Variants in MCTP1 observed in about 807,000 individuals in gnomAD.
The protein encoded by MCTP1 is multiple C2 and transmembrane domain containing 1, also known as multiple C2 and transmembrane domain-containing protein 1.
A neutral mutation model predicts 120.6 loss-of-function variants in MCTP1; 69 were observed. The observed-to-expected ratio is 0.57, with a 90% CI of 0.47 to 0.70. The LOEUF (loss-of-function observed/expected upper bound fraction) is 0.70. MCTP1 is among the 30% of genes least tolerant of loss of function. The probability of loss-of-function intolerance (pLI) is 0.00; values close to 1 mark genes in which losing one functional copy is unlikely to be tolerated. For missense variants in MCTP1, 1,203 were observed against 1,248.8 expected (o/e 0.96, Z 0.55); for synonymous variants, 529 against 493.1 (o/e 1.07, Z -0.96).
At chr5:95,121,109 T>A (rs1758195901) in intron 1 of MCTP1, among the ~76,000 whole-genome samples, 1 of 151,730 alleles carries the variant, frequency 6.6e-6, no homozygotes, top group Admixed American at 6.6e-5. Context: ...AAACCCCGTC[T>A]CTACTAAAAA....
intron 2 of MCTP1, among the ~76,000 whole-genome samples, chr5:94,980,121 C>A (rs559530524): frequency 6.6e-6 from 1 of 152,146 alleles, no homozygotes; most frequent in African/African-American, 2.4e-5. Context: ...ATTACCCTTA[C>A]CATTTTGTTG....
intron 1 of MCTP1, among the ~76,000 whole-genome samples, chr5:95,229,259 AT>A (rs563787028): frequency 7.9e-5 from 12 of 152,196 alleles, no homozygotes; most frequent in Admixed American, 6.5e-4. Flanking sequence ...GCCACTGAAA[AT>A]TTTTCAGCAA....
chr5:94,980,022 T>C (rs1176651887), intron 2 of MCTP1, among the ~76,000 whole-genome samples: 4 of 152,086 alleles, frequency 2.6e-5, no homozygotes, highest in Non-Finnish European at 5.9e-5. Flanking sequence ...ATTCAACTTG[T>C]GAAATATCAA....
At chr5:94,794,241 G>T (rs1779547090) in intron 18 of MCTP1, among the ~76,000 whole-genome samples, 1 of 152,162 alleles carries the variant, frequency 6.6e-6, no homozygotes, top group African/African-American at 2.4e-5. Context: ...AAACATTGAA[G>T]AATTTTTTTG....
intron 19 of MCTP1, among the ~76,000 whole-genome samples, chr5:94,718,398 C>A (rs566817846): frequency 5.1e-4 from 78 of 152,216 alleles, no homozygotes; most frequent in African/African-American, 1.8e-3. Context: ...ACTATAAAAA[C>A]CCTAGAAGAA....
chr5:94,794,319 G>T (rs78527303), intron 18 of MCTP1, among the ~76,000 whole-genome samples: 1,658 of 152,344 alleles, frequency 0.011, 10 homozygotes, highest in Middle Eastern at 0.037. Flanking sequence ...CAGCTTTGAT[G>T]GACTCTTCCC....
intron 1 of MCTP1, among the ~76,000 whole-genome samples, chr5:95,260,283 C>T (rs1758353224): frequency 6.6e-6 from 1 of 152,128 alleles, no homozygotes; most frequent in Admixed American, 6.5e-5. Flanking sequence ...GGCGCTCATC[C>T]AGTGCTGATT....
Position 94,885,586 on chromosome 5 carries a change from T to C in MCTP1, c.1933+3293A>G, listed in dbSNP as rs1417766872. Among the ~76,000 whole-genome samples the C allele has an allele frequency of 5.3e-5, 8 of 149,728 alleles. No individual in the cohort carries two copies. The South Asian group carries it at 8.7e-4, about 16-fold the overall frequency. ...CCTACCACCCAAAGAAAAAATATTTTCCCGCCACCCACCCCACCCCACCCC... is the reference window on the plus strand; with the variant it reads ...CCTACCACCCAAAGAAAAAATATTTCCCCGCCACCCACCCCACCCCACCCC... On this transcript the variant is annotated intron_variant, in intron 12 of 22. Transcript: ENST00000515393.
intron 1 of MCTP1, among the ~76,000 whole-genome samples, chr5:95,069,074 C>T (rs1751449131): frequency 6.6e-6 from 1 of 151,926 alleles, no homozygotes; most frequent in African/African-American, 2.4e-5. Context: ...ATTATGACAG[C>T]CAAAGAAATG....
intron 1 of MCTP1, among the ~76,000 whole-genome samples, chr5:95,166,719 C>A (rs1432983357): frequency 6.6e-6 from 1 of 151,986 alleles, no homozygotes; most frequent in African/African-American, 2.4e-5. Flanking sequence ...AGGCACCCAC[C>A]ACCACGCCTG....
intron 12 of MCTP1, among the ~76,000 whole-genome samples, chr5:94,883,935 A>G (rs559541961): frequency 6.6e-6 from 1 of 152,286 alleles, no homozygotes; most frequent in African/African-American, 2.4e-5. Flanking sequence ...TATTTCTCCA[A>G]CTGTATATAA....
At position 95,209,099 on chromosome 5, in the gene MCTP1, A is replaced by G. The variant is rs573829865; in HGVS notation, c.720+74757T>C. ...CTTGATTTCCCCACAAGAACATCCC[A>G]CTAATCCCATATAGCATGACCAAAA... On this transcript the variant is annotated intron_variant, in intron 1 of 22. Coordinates refer to ENST00000515393, the MANE Select transcript of MCTP1 (RefSeq NM_024717.7). Among the ~76,000 whole-genome samples, 194 of 152,288 alleles carry G rather than the reference A, an allele frequency of 1.3e-3. 1 individual carries two copies. The highest frequency in any genetic ancestry group is 2.0e-3 in the Non-Finnish European group (138 of 68,012).
chr5:94,710,728 G>A (rs1411050245), intron 21 of MCTP1, 90 bp downstream of exon 21: 6 of 761,344 alleles, frequency 7.9e-6, no homozygotes, highest in Non-Finnish European at 1.3e-5. Flanking sequence ...CATAAATACA[G>A]GGAACTGCTG....
chr5:95,284,796 G>C lies in MCTP1; in HGVS notation c.-221C>G, dbSNP rs555373139. On this transcript the variant is annotated 5_prime_UTR_variant, in exon 1 of 23. Coordinates refer to ENST00000515393, the MANE Select transcript of MCTP1 (RefSeq NM_024717.7). The surrounding 1 kb of genome is among the most constrained non-coding windows in gnomAD (Gnocchi z 5.2). Reference sequence around the variant, plus strand: ...CGAGGCTCTCTGGCCTCGGGACTCCGGCGCTGCCTCTTCCTCCCGCACCTG... The same window carrying C: ...CGAGGCTCTCTGGCCTCGGGACTCCCGCGCTGCCTCTTCCTCCCGCACCTG... Among the ~76,000 whole-genome samples the C allele has an allele frequency of 1.6e-3, 249 of 152,170 alleles. 1 individual carries two copies. Among genetic ancestry groups the C allele is most frequent in the African/African-American group, 4.9e-3 (205 of 41,542 alleles).
chr5:94,994,259 C>A (rs964983992), intron 2 of MCTP1, among the ~76,000 whole-genome samples: 1 of 152,126 alleles, frequency 6.6e-6, no homozygotes, highest in Admixed American at 6.5e-5. Flanking sequence ...ATTTAGTATA[C>A]AAAGGACATC....
In MCTP1 at chr5:94,883,510, C is replaced by T. The variant is rs148722752; in HGVS notation, c.1933+5369G>A. On this transcript the variant is annotated intron_variant, in intron 12 of 22. Transcript: ENST00000515393. ...AAGAAACTATGACTATTTGCACATCCTCTCTTTTATTTGGTAGATTATTTT... is the reference window on the plus strand; with the variant it reads ...AAGAAACTATGACTATTTGCACATCTTCTCTTTTATTTGGTAGATTATTTT... Among the ~76,000 whole-genome samples the T allele has an allele frequency of 5.1e-3, 783 of 152,236 alleles. 6 individuals are homozygous for T. The highest frequency in any genetic ancestry group is 0.038 in the Middle Eastern group (11 of 292).
intron 1 of MCTP1, among the ~76,000 whole-genome samples, chr5:95,207,968 G>A (rs180677055): frequency 8.2e-4 from 71 of 87,110 alleles, no homozygotes; most frequent in African/African-American, 2.3e-3. Context: ...GGAGAGAGAG[G>A]GAGAGAGAGG....
intron 17 of MCTP1, among the ~76,000 whole-genome samples, chr5:94,808,796 T>A (rs1782873758): frequency 6.6e-6 from 1 of 152,168 alleles, no homozygotes; most frequent in Non-Finnish European, 1.5e-5. Context: ...TTGGTTGATT[T>A]ATTGGCAAGC....
intron 19 of MCTP1, among the ~76,000 whole-genome samples, chr5:94,720,826 A>G (rs1760723056): frequency 6.6e-6 from 1 of 152,210 alleles, no homozygotes; most frequent in Admixed American, 6.5e-5. Flanking sequence ...ATCTTAAATT[A>G]TTTTTGGAAA....
Sources: gnomAD v4.1 joint callset for allele counts (sites outside exome capture counted in the v4.1 genomes callset) on GRCh38, gnomAD v4.1.1 for gene constraint, Gnocchi (gnomAD v3.1) non-coding constraint, MANE v1.5 for transcripts, NCBI Gene and HGNC (gene_info 2026-07-23, HGNC 2026-07-21) for gene names.